The following KCNH2 variants were observed in gnomAD, a reference collection of about 807,000 sequenced individuals.
KCNH2 encodes potassium voltage-gated channel subfamily H member 2, also known as voltage-gated inwardly rectifying potassium channel KCNH2.
In KCNH2, 35 loss-of-function variants were observed where a neutral mutation model predicts 95.9. The observed-to-expected ratio is 0.37, with a 90% confidence interval of 0.28 to 0.48. KCNH2 has a LOEUF of 0.48. Ranked by LOEUF, KCNH2 falls within the 20% of genes least tolerant of loss-of-function variation. KCNH2 has a pLI of 0.99. For synonymous variants in KCNH2, 786 were observed against 754.7 expected (o/e 1.04, Z -0.68); for missense variants, 1,274 against 1,702.9 (o/e 0.75, Z 4.43).
In KCNH2 at chr7:150,947,369, G is replaced by T. The variant is rs200799870; in HGVS notation, c.3111C>A (p.Asp1037Glu). The T allele has an allele frequency of 8.4e-6, 13 of 1,547,014 alleles. No individual in the cohort carries two copies. Among genetic ancestry groups the T allele is most frequent in the South Asian group, 1.2e-5 (1 of 83,976 alleles). Residue 1037 changes from aspartate (D) to glutamate (E), a missense_variant, in exon 13 of 15, where the codon GAC becomes GAA. Asp to Glu is a conservative substitution (Grantham distance 45). Around this residue, in one of 7 missense-constraint regions of KCNH2, gnomAD observed 457 missense variants for 416.1 expected, o/e 1.10. Coordinates refer to ENST00000262186, the MANE Select transcript of KCNH2 (RefSeq NM_000238.4). ...GGAGGGCATCCAGCCTGCTCTCCACGTCGCCCCGGGGCCGCCGACCCGGGC... is the reference window on the plus strand; with the variant it reads ...GGAGGGCATCCAGCCTGCTCTCCACTTCGCCCCGGGGCCGCCGACCCGGGC... ...LSSPGRRPRG[D>E]VESRLDALQR...
At chr7:150,947,195 C>T (rs1268274765) in intron 13 of KCNH2, 133 bp downstream of exon 13, 23 of 1,124,854 alleles carry the variant, frequency 2.0e-5, no homozygotes, top group Non-Finnish European at 2.9e-5. Flanking sequence ...CAGCCCCCAG[C>T]TGGGCTAGGA....
intron 1 of KCNH2, among the ~76,000 whole-genome samples, chr7:150,976,754 C>T (rs1398808011): frequency 6.6e-6 from 1 of 150,534 alleles, no homozygotes; most frequent in Admixed American, 6.6e-5. Context: ...CCATCCCAGC[C>T]TCCTCGTAGG....
rs879752849 is a variant in KCNH2, at chr7:150,946,215, C to T, written c.3330+662G>A. Among the ~76,000 whole-genome samples the T allele has an allele frequency of 2.7e-5, 4 of 149,870 alleles. 1 individual carries two copies. The highest frequency in any genetic ancestry group is 9.8e-5 in the African/African-American group (4 of 40,646). On this transcript the variant is annotated intron_variant, in intron 14 of 14. Coordinates refer to ENST00000262186, the MANE Select transcript of KCNH2 (RefSeq NM_000238.4). The surrounding 1 kb of genome is among the most constrained non-coding windows in gnomAD (Gnocchi z 6.5). ...TGGACGCGGAGGTTGACACAGACAC[C>T]GCCATCCTGCAGAGGCCAGGAACAT...
At chr7:150,948,730 TATG>T (rs1801019685) in intron 10 of KCNH2, 123 bp downstream of exon 10, 10 of 1,106,628 alleles carry the variant, frequency 9.0e-6, no homozygotes, top group Non-Finnish European at 1.4e-5. Flanking sequence ...TAGGCTGCTC[TATG>T]ATACCATTTG....
intron 2 of KCNH2, among the ~76,000 whole-genome samples, chr7:150,964,482 G>A (rs1199179722): frequency 2.0e-5 from 3 of 152,194 alleles, no homozygotes; most frequent in South Asian, 2.1e-4. Context: ...TGGCTCCTGC[G>A]TTCCCTCTAT....
chr7:150,951,186 C>A (rs1801141529), intron 7 of KCNH2, 66 bp from the exon 8 acceptor site: 2 of 1,378,676 alleles, frequency 1.5e-6, no homozygotes, highest in South Asian at 2.5e-5. Context: ...AGGGACCCTG[C>A]TCAGGCCCCG....
Position 150,947,329 on chromosome 7 carries a change from T to C in KCNH2, c.3151A>G (p.Arg1051Gly). The change falls in exon 13 of 15, where the codon AGG (arginine) becomes GGG (glycine). Residue 1051 changes from arginine (R) to glycine (G), a missense_variant and splice_region_variant. Around this residue, in one of 7 missense-constraint regions of KCNH2, gnomAD observed 457 missense variants for 416.1 expected, o/e 1.10. Coordinates refer to ENST00000262186, the MANE Select transcript of KCNH2 (RefSeq NM_000238.4). Reference sequence around the variant, plus strand: ...CCCACCCCACCTGCACTCCCTCACCTGTTGAGCTGGCGCTGGAGGGCATCC... The same window carrying C: ...CCCACCCCACCTGCACTCCCTCACCCGTTGAGCTGGCGCTGGAGGGCATCC... Reference protein sequence around the residue: ...RLDALQRQLNRLETRLSADMA... With the variant: ...RLDALQRQLNGLETRLSADMA... The C allele has an allele frequency of 6.5e-7, 1 of 1,540,702 alleles. No individual in the cohort carries two copies. The highest frequency in any genetic ancestry group is 8.7e-7 in the Non-Finnish European group (1 of 1,146,150).
chr7:150,963,175 C>T (rs1369616779), intron 2 of KCNH2, among the ~76,000 whole-genome samples: 1 of 152,204 alleles, frequency 6.6e-6, no homozygotes, highest in African/African-American at 2.4e-5. Context: ...CCCACACTCC[C>T]GAGGCAGCCA....
At chr7:150,957,755 G>A (rs1233286537) in intron 4 of KCNH2, among the ~76,000 whole-genome samples, 1 of 152,240 alleles carries the variant, frequency 6.6e-6, no homozygotes, top group Admixed American at 6.5e-5. Flanking sequence ...CAGGCAGGGG[G>A]CCAGGTGGTG....
Position 150,947,591 on chromosome 7 carries a change from C to G in KCNH2, c.2965+15G>C. 2 of 1,611,484 alleles carry G rather than the reference C, an allele frequency of 1.2e-6. No homozygotes were observed. Among genetic ancestry groups the G allele is most frequent in the Non-Finnish European group, 1.7e-6 (2 of 1,179,012 alleles). The stretch of plus-strand genomic sequence containing the variant: ...CACGCCCGGTCCTCCCTCGCCCGCC[C>G]GTCGCCCGGGATACCTGACAGGGGG... On this transcript the variant is annotated intron_variant, in intron 12 of 14. Coordinates refer to ENST00000262186, the MANE Select transcript of KCNH2 (RefSeq NM_000238.4).
chr7:150,960,187 G>C (rs1801517470), intron 2 of KCNH2, among the ~76,000 whole-genome samples: 1 of 152,144 alleles, frequency 6.6e-6, no homozygotes, highest in Non-Finnish European at 1.5e-5. Context: ...GCCCGGATCT[G>C]CTGCTTAATC....
rs556573812 is a variant in KCNH2, at chr7:150,966,550, G to A, written c.308-6814C>T. Among the ~76,000 whole-genome samples the A allele has an allele frequency of 3.3e-5, 5 of 151,856 alleles. No homozygotes were observed. The South Asian group carries it at 1.0e-3, about 32-fold the overall frequency. On this transcript the variant is annotated intron_variant, in intron 2 of 14. Coordinates refer to ENST00000262186, the MANE Select transcript of KCNH2 (RefSeq NM_000238.4). ...AACTGGCATTATTTGCAGATGACGG[G>A]GTCACTTGCCTAGAGACCCCCAAGA... is the stretch of plus-strand genomic sequence containing the variant.
At chr7:150,956,296 C>T (rs1189108083) in intron 5 of KCNH2, among the ~76,000 whole-genome samples, 4 of 152,160 alleles carry the variant, frequency 2.6e-5, no homozygotes, top group African/African-American at 9.7e-5. Context: ...GAGTCAAGGC[C>T]AGTGGGCTGG....
intron 2 of KCNH2, 83 bp from the exon 3 acceptor site, chr7:150,959,819 A>G: frequency 6.6e-7 from 1 of 1,514,414 alleles, no homozygotes; most frequent in Middle Eastern, 1.8e-4. Context: ...CCTGGAACCC[A>G]AGTGGGCCCG....
intron 2 of KCNH2, among the ~76,000 whole-genome samples, chr7:150,972,531 G>C (rs1801866649): frequency 6.6e-6 from 1 of 152,240 alleles, no homozygotes; most frequent in South Asian, 2.1e-4. Flanking sequence ...CTAGGTGGCT[G>C]AGTGCCAGGC....
Position 150,974,694 on chromosome 7 carries a change from C to G in KCNH2, c.307+17G>C, listed in dbSNP as rs770355672. 6.4e-7 allele frequency: 1 copy of G among 1,569,838 alleles called. No homozygotes were observed. The highest frequency in any genetic ancestry group is 1.2e-5 in the South Asian group (1 of 86,914). ...GACCCCGCCCCTGGTCGTGGCCCCG[C>G]CCCGGCCCGCTCCTACCATCTTTCC... On this transcript the variant is annotated intron_variant, in intron 2 of 14. Transcript: ENST00000262186.
chr7:150,967,113 T>C (rs1801725759), intron 2 of KCNH2, among the ~76,000 whole-genome samples: 1 of 152,124 alleles, frequency 6.6e-6, no homozygotes, highest in Non-Finnish European at 1.5e-5. Flanking sequence ...ACCCCGTCTC[T>C]ACTAAAAATA....
chr7:150,953,346 C>T (rs1801255981), intron 5 of KCNH2, among the ~76,000 whole-genome samples: 1 of 152,114 alleles, frequency 6.6e-6, no homozygotes, highest in East Asian at 1.9e-4. Context: ...GCCACAGGCC[C>T]GAGGACACCA....
chr7:150,974,715 T>C lies in KCNH2; in HGVS notation c.303A>G (p.Lys101=). The C allele has an allele frequency of 1.4e-6, 2 of 1,412,824 alleles. No individual in the cohort carries two copies. Among genetic ancestry groups the C allele is most frequent in the African/African-American group, 1.5e-5 (1 of 68,014 alleles). The allele number at this position is 1,412,824 out of a possible 1,614,324, so 87.5% of individuals were successfully genotyped here. ...CCCGCCCCGGCCCGCTCCTACCATCTTTCCGGTAGAAGGCGATTTCCACTT... is the reference window on the plus strand; with the variant it reads ...CCCGCCCCGGCCCGCTCCTACCATCCTTCCGGTAGAAGGCGATTTCCACTT... ...ERKVEIAFYR[K]DGSCFLCLVD... The change falls in exon 2 of 15, where the codon AAA becomes AAG. Residue 101 remains lysine (K), a synonymous_variant. Coordinates refer to ENST00000262186, the MANE Select transcript of KCNH2 (RefSeq NM_000238.4).
Sources: gnomAD v4.1 joint callset for allele counts (sites outside exome capture counted in the v4.1 genomes callset) on GRCh38, gnomAD v4.1.1 for gene constraint, gnomAD v4.1.1 regional missense constraint, Gnocchi (gnomAD v3.1) non-coding constraint, MANE v1.5 for transcripts, NCBI Gene and HGNC (gene_info 2026-07-23, HGNC 2026-07-21) for gene names.